Variants in XKR4 observed in about 807,000 individuals in gnomAD.
The protein encoded by XKR4 is XK related 4, also known as XK-related protein 4.
A neutral mutation model predicts 53.9 loss-of-function variants in XKR4; 12 were observed. The ratio of observed to expected loss-of-function variants is 0.22; its 90% confidence interval spans 0.14 to 0.36. The LOEUF (loss-of-function observed/expected upper bound fraction) is 0.36. Ranked by LOEUF, XKR4 falls within the 10% of genes least tolerant of loss-of-function variation. The probability of loss-of-function intolerance (pLI) is 1.00; values close to 1 mark genes in which losing one functional copy is unlikely to be tolerated. For missense variants in XKR4, 799 were observed against 859.5 expected (o/e 0.93, Z 0.88); for synonymous variants, 354 against 362.4 (o/e 0.98, Z 0.26).
chr8:55,341,960 AC>A (rs1443473151), intron 1 of XKR4, among the ~76,000 whole-genome samples: 3 of 151,850 alleles, frequency 2.0e-5, no homozygotes, highest in Non-Finnish European at 2.9e-5. Flanking sequence ...GGCTTTAAAT[AC>A]CCTAACATCT....
chr8:55,245,571 G>A (rs1818273880), intron 1 of XKR4, among the ~76,000 whole-genome samples: 1 of 151,914 alleles, frequency 6.6e-6, no homozygotes, highest in Admixed American at 6.6e-5. Context: ...CTTTTCCCTG[G>A]TCTTGTTGCC....
chr8:55,136,316 C>T (rs941180016), intron 1 of XKR4, among the ~76,000 whole-genome samples: 5 of 79,632 alleles, frequency 6.3e-5, no homozygotes, highest in African/African-American at 1.4e-4. Context: ...AGCAGATGCA[C>T]TTCCTTCACA....
intron 2 of XKR4, among the ~76,000 whole-genome samples, chr8:55,386,603 A>G (rs1412130042): frequency 6.6e-6 from 1 of 152,190 alleles, no homozygotes; most frequent in African/African-American, 2.4e-5. Context: ...TTGGGAAGGT[A>G]TTTCCACACC....
chr8:55,441,843 G>T (rs1207942447), intron 2 of XKR4, among the ~76,000 whole-genome samples: 2 of 151,928 alleles, frequency 1.3e-5, no homozygotes, highest in African/African-American at 2.4e-5. Flanking sequence ...TACTTATGAG[G>T]TATAGCTAAA....
chr8:55,103,490 G>C (rs1183249251), intron 1 of XKR4, among the ~76,000 whole-genome samples, 196 bp downstream of exon 1: 1 of 152,038 alleles, frequency 6.6e-6, no homozygotes, highest in Non-Finnish European at 1.5e-5. Flanking sequence ...AGGGAAGTGA[G>C]AAGCAAGGGA....
chr8:55,333,732 C>T (rs547782570), intron 1 of XKR4, among the ~76,000 whole-genome samples: 1 of 152,214 alleles, frequency 6.6e-6, no homozygotes, highest in South Asian at 2.1e-4. Flanking sequence ...AGACCATTAT[C>T]TGAAGATGTC....
intron 2 of XKR4, among the ~76,000 whole-genome samples, chr8:55,435,075 A>C (rs1805155178): frequency 6.6e-6 from 1 of 152,184 alleles, no homozygotes; most frequent in Admixed American, 6.5e-5. Flanking sequence ...ACACAATGGA[A>C]ACAGAGGTCT....
intron 1 of XKR4, among the ~76,000 whole-genome samples, chr8:55,148,357 A>T (rs1816797292): frequency 1.3e-5 from 2 of 152,088 alleles, no homozygotes; most frequent in African/African-American, 4.8e-5. Flanking sequence ...GTGATCCTAG[A>T]TCACACCACT....
At chr8:55,433,660 A>G (rs1171079747) in intron 2 of XKR4, among the ~76,000 whole-genome samples, 1 of 152,248 alleles carries the variant, frequency 6.6e-6, no homozygotes, top group Non-Finnish European at 1.5e-5. Flanking sequence ...AAGATCGAAG[A>G]GGAGAGAAGG....
At chr8:55,164,933 A>G (rs902606920) in intron 1 of XKR4, among the ~76,000 whole-genome samples, 8 of 152,106 alleles carry the variant, frequency 5.3e-5, no homozygotes, top group Non-Finnish European at 7.4e-5. Context: ...CCCATGTCCT[A>G]TAGACCCTGT....
chr8:55,496,765 G>A (rs994794310), intron 2 of XKR4, among the ~76,000 whole-genome samples: 1 of 152,128 alleles, frequency 6.6e-6, no homozygotes, highest in South Asian at 2.1e-4. Context: ...TCTAATTCTG[G>A]TTGAGGTGAG....
At chr8:55,483,555 T>A (rs1435584541) in intron 2 of XKR4, among the ~76,000 whole-genome samples, 1 of 152,022 alleles carries the variant, frequency 6.6e-6, no homozygotes, top group Non-Finnish European at 1.5e-5. Flanking sequence ...TGATCACGGA[T>A]GCCAGGTGGA....
chr8:55,348,691 T>TAAACACACACACACAC (rs1554519701), intron 1 of XKR4, among the ~76,000 whole-genome samples: 4 of 136,218 alleles, frequency 2.9e-5, no homozygotes, highest in African/African-American at 1.1e-4. Flanking sequence ...CAGACAAACA[T>TAAACACACACACACAC]ACACACACAC....
intron 1 of XKR4, among the ~76,000 whole-genome samples, chr8:55,276,787 T>C (rs1421277310): frequency 1.3e-5 from 2 of 152,242 alleles, no homozygotes; most frequent in African/African-American, 2.4e-5. Context: ...TATTATTCTA[T>C]TTTGCAATAA....
At chr8:55,377,395 C>T (rs1210881264) in intron 2 of XKR4, among the ~76,000 whole-genome samples, 1 of 152,222 alleles carries the variant, frequency 6.6e-6, no homozygotes, top group Non-Finnish European at 1.5e-5. Context: ...ATCTTTTCCT[C>T]TTTGTCACAT....
chr8:55,148,940 G>A (rs1816805891), intron 1 of XKR4, among the ~76,000 whole-genome samples: 1 of 152,192 alleles, frequency 6.6e-6, no homozygotes, highest in South Asian at 2.1e-4. Context: ...AAGACTTGAG[G>A]ATGAAAGTGT....
At chr8:55,278,419 T>C (rs1487142346) in intron 1 of XKR4, among the ~76,000 whole-genome samples, 2 of 151,932 alleles carry the variant, frequency 1.3e-5, no homozygotes, top group African/African-American at 2.4e-5. Context: ...CAAAAACCTC[T>C]AATATGTTGC....
At chr8:55,254,654 C>G (rs1818409214) in intron 1 of XKR4, among the ~76,000 whole-genome samples, 1 of 152,110 alleles carries the variant, frequency 6.6e-6, no homozygotes, top group African/African-American at 2.4e-5. Context: ...CAGGTTGTGC[C>G]TGGAGGCTGG....
At chr8:55,284,442 G>C (rs903501511) in intron 1 of XKR4, among the ~76,000 whole-genome samples, 8 of 152,116 alleles carry the variant, frequency 5.3e-5, no homozygotes, top group Admixed American at 2.0e-4. Context: ...GGCTTGACTG[G>C]GGTTGGAGGA....
Sources: allele counts gnomAD v4.1 joint callset (sites outside exome capture counted in the v4.1 genomes callset), GRCh38; gene constraint gnomAD v4.1.1; transcripts MANE v1.5; gene names NCBI Gene and HGNC (gene_info 2026-07-23, HGNC 2026-07-21).